RRP9: variants seen among roughly 807,000 people sequenced by gnomAD.
RRP9 encodes the protein ribosomal RNA processing 9, U3 small nucleolar RNA binding protein, also known as U3 small nucleolar RNA-interacting protein 2.
In RRP9, 35 loss-of-function variants were observed where a neutral mutation model predicts 65.5. The observed-to-expected ratio is 0.53, with a 90% CI of 0.41 to 0.71. The LOEUF (loss-of-function observed/expected upper bound fraction) is 0.71, where lower values mean the gene tolerates loss of function less well. Ranked by LOEUF, RRP9 falls within the 30% of genes least tolerant of loss-of-function variation. RRP9 has a pLI of 0.00. For synonymous variants in RRP9, 254 were observed against 245.0 expected, an observed-to-expected ratio of 1.04 and a Z score of -0.34; for missense variants, 533 against 633.6, an observed-to-expected ratio of 0.84 and a Z score of 1.70.
rs323900 is a variant in RRP9, at chr3:51,938,239, A to C, written c.171-35T>G. The stretch of plus-strand genomic sequence containing the variant: ...GGAAGGGGCTGGGTCTGAGGGGCTC[A>C]CCTTGTTCCTCTGACCGCTAGGATC... On this transcript the variant is annotated intron_variant, in intron 2 of 14. Transcript: ENST00000232888. The C allele has an allele frequency of 6.5e-3, 9,581 of 1,472,830 alleles. 507 individuals are homozygous for C. The African/African-American group carries it at 0.12, about 18-fold the overall frequency. 91.2% of individuals were successfully genotyped at this position (1,472,830 alleles called of 1,614,324 possible). A position where few individuals can be genotyped will look rare whatever the true frequency, so the allele number is the denominator to read the frequency against.
Position 51,937,886 on chromosome 3 carries a change from G to T in RRP9, c.281-150C>A. ...AGGGCAAGCTGGAGGGTTTCCTCCT[G>T]CCTTTACTTATCAGATCAGCCCCCT... On this transcript the variant is annotated intron_variant, in intron 3 of 14. Transcript: ENST00000232888. This position sits in a 1 kb window ranked among gnomAD's most constrained non-coding sequence, Gnocchi z 5.0. 1 of 1,070,756 alleles carries T rather than the reference G, an allele frequency of 9.3e-7. No homozygotes were observed. Among genetic ancestry groups the T allele is most frequent in the Non-Finnish European group, 1.4e-6 (1 of 739,756 alleles). 66.3% of individuals were successfully genotyped at this position (1,070,756 alleles called of 1,614,324 possible).
intron 6 of RRP9, 62 bp from the exon 7 acceptor site, chr3:51,936,617 C>T: frequency 1.3e-6 from 2 of 1,543,622 alleles, no homozygotes; most frequent in Non-Finnish European, 8.9e-7. Flanking sequence ...TGGCAACCCC[C>T]CTCAAGGGGC....
chr3:51,941,556 C>CG, intron 1 of RRP9, 65 bp from the exon 2 acceptor site: 2 of 1,447,130 alleles, frequency 1.4e-6, no homozygotes, highest in Non-Finnish European at 1.9e-6. Context: ...ACCAAGGGCC[C>CG]CCCCCCCTCG....
At position 51,935,698 on chromosome 3, in the gene RRP9, G is replaced by C; in HGVS notation, c.736-6C>G. On this transcript the variant is annotated splice_polypyrimidine_tract_variant and splice_region_variant and intron_variant, in intron 8 of 14. Coordinates refer to ENST00000232888, the MANE Select transcript of RRP9 (RefSeq NM_004704.5). ...CCTCTGCGGAATGCCAGACCCTAAG[G>C]GTGCATGGGGAGAGGGCAAAGGGGA... 1.2e-6 allele frequency: 2 copies of C among 1,612,092 alleles called. No individual in the cohort carries two copies. Among genetic ancestry groups the C allele is most frequent in the Non-Finnish European group, 1.7e-6 (2 of 1,178,192 alleles).
chr3:51,936,087 C>T (rs1699455696), intron 8 of RRP9, among the ~76,000 whole-genome samples, 170 bp downstream of exon 8: 1 of 152,174 alleles, frequency 6.6e-6, no homozygotes, highest in South Asian at 2.1e-4. Context: ...TCTCCCCCAG[C>T]TCCTCCCCAT....
Position 51,934,169 on chromosome 3 carries a change from CCA to C in RRP9, c.1260+301_1260+302del, listed in dbSNP as rs1699424286. On this transcript the variant is annotated intron_variant, in intron 13 of 14. Transcript: ENST00000232888. The surrounding 1 kb of genome is among the most constrained non-coding windows in gnomAD (Gnocchi z 4.1). ...GTCACCCTAGTGTGGACAGTGAGGTCCACACCCTCTAGCCTGGCACCCAATCT... is the reference window on the plus strand; with the variant it reads ...GTCACCCTAGTGTGGACAGTGAGGTCCACCCTCTAGCCTGGCACCCAATCT... Among the ~76,000 whole-genome samples the C allele has an allele frequency of 6.6e-6, 1 of 152,156 alleles. No homozygotes were observed. Among genetic ancestry groups the C allele is most frequent in the Admixed American group, 6.5e-5 (1 of 15,280 alleles).
chr3:51,936,838 T>C (rs948696116), intron 6 of RRP9, among the ~76,000 whole-genome samples: 1 of 152,138 alleles, frequency 6.6e-6, no homozygotes, highest in Non-Finnish European at 1.5e-5. Flanking sequence ...ACAGCGGGTG[T>C]AGAAGGAACC....
Position 51,935,490 on chromosome 3 carries a change from C to A in RRP9, c.837-14G>T. 6.2e-7 allele frequency: 1 copy of A among 1,614,092 alleles called. No individual in the cohort carries two copies. Among genetic ancestry groups the A allele is most frequent in the Non-Finnish European group, 8.5e-7 (1 of 1,180,030 alleles). On this transcript the variant is annotated splice_polypyrimidine_tract_variant and intron_variant, in intron 9 of 14. Coordinates refer to ENST00000232888, the MANE Select transcript of RRP9 (RefSeq NM_004704.5). The stretch of plus-strand genomic sequence containing the variant: ...TGGTGTCCGAAGCTAGAGGGCCGGG[C>A]AGAGCAGGATAGTGGGGATAGGGGT...
chr3:51,938,264 C>T (rs1405403670), intron 2 of RRP9, 60 bp from the exon 3 acceptor site: 5 of 1,338,172 alleles, frequency 3.7e-6, no homozygotes, highest in Admixed American at 4.7e-5. Flanking sequence ...CCGCTAGGAT[C>T]GTGCCTTCTG....
chr3:51,936,951 T>A (rs1433894366), intron 6 of RRP9, among the ~76,000 whole-genome samples: 1 of 152,210 alleles, frequency 6.6e-6, no homozygotes, highest in Non-Finnish European at 1.5e-5. Context: ...ACCTGCAGCA[T>A]TAATTCCCAT....
At chr3:51,941,750 T>C in intron 1 of RRP9, 31 bp downstream of exon 1, 3 of 1,527,138 alleles carry the variant, frequency 2.0e-6, no homozygotes, top group South Asian at 1.2e-5. Context: ...GTAGCAGGGC[T>C]GACCGCGGCC....
chr3:51,936,146 C>T, intron 8 of RRP9, 111 bp downstream of exon 8: 1 of 1,004,508 alleles, frequency 1.0e-6, no homozygotes, highest in Non-Finnish European at 1.6e-6. Flanking sequence ...TACCCACTCG[C>T]TACCCCAGGA....
Position 51,935,252 on chromosome 3 carries a change from T to A in RRP9, c.979A>T (p.Ile327Phe). The A allele has an allele frequency of 6.2e-7, 1 of 1,614,182 alleles. No homozygotes were observed. ...TCATTGATTAGGTGGATGCAGTCGATGGAGCCCCTGGAGAAAGGGGCTGTG... is the reference window on the plus strand; with the variant it reads ...TCATTGATTAGGTGGATGCAGTCGAAGGAGCCCCTGGAGAAAGGGGCTGTG... Reference protein sequence around the residue: ...QLVFYGHQGSIDCIHLINEEH... With the variant: ...QLVFYGHQGSFDCIHLINEEH... The change falls in exon 11 of 15, where the codon ATC becomes TTC. Residue 327 changes from isoleucine to phenylalanine, a missense_variant. Physicochemically the swap from Ile to Phe is conservative, Grantham distance 21. Transcript: ENST00000232888.
intron 13 of RRP9, 72 bp from the exon 14 acceptor site, chr3:51,933,853 G>A (rs887141075): frequency 1.7e-5 from 24 of 1,447,022 alleles, no homozygotes; most frequent in Non-Finnish European, 2.3e-5. Flanking sequence ...TCACAGTCAA[G>A]GGCTGGGCCT....
chr3:51,936,153 A>G (rs1699456465), intron 8 of RRP9, 104 bp downstream of exon 8: 1 of 1,072,308 alleles, frequency 9.3e-7, no homozygotes, highest in South Asian at 1.3e-5. Flanking sequence ...TCGCTACCCC[A>G]GGATGCAGGT....
chr3:51,941,872 C>T lies in RRP9; in HGVS notation c.-5G>A, dbSNP rs781648041. 1 of 1,577,368 alleles carries T rather than the reference C, an allele frequency of 6.3e-7. No homozygotes were observed. Among genetic ancestry groups the T allele is most frequent in the East Asian group, 2.3e-5 (1 of 43,310 alleles). ...AGCAGCCGCTGTTGCCGACATGCTG[C>T]CCACCAGGCGTGTAGCAGCGGCCGC... On this transcript the variant is annotated 5_prime_UTR_variant, in exon 1 of 15. Coordinates refer to ENST00000232888, the MANE Select transcript of RRP9 (RefSeq NM_004704.5).
At chr3:51,940,131 C>T (rs145520542) in intron 2 of RRP9, among the ~76,000 whole-genome samples, 48 of 152,198 alleles carry the variant, frequency 3.2e-4, no homozygotes, top group African/African-American at 1.1e-3. Context: ...TGGTGCAGGC[C>T]TATAATCCCA....
Position 51,941,882 on chromosome 3 carries a change from G to T in RRP9, c.-15C>A. 6 of 1,565,230 alleles carry T rather than the reference G, an allele frequency of 3.8e-6. No homozygotes were observed. The highest frequency in any genetic ancestry group is 5.2e-6 in the Non-Finnish European group (6 of 1,162,436). On this transcript the variant is annotated 5_prime_UTR_variant, in exon 1 of 15. Transcript: ENST00000232888. ...GTTGCCGACATGCTGCCCACCAGGC[G>T]TGTAGCAGCGGCCGCAGAACTCACG...
Position 51,934,541 on chromosome 3 carries a change from G to A in RRP9, c.1191C>T (p.Ser397=), listed in dbSNP as rs774598939. Residue 397 remains serine, a synonymous_variant, in exon 13 of 15, where the codon AGC becomes AGT. Coordinates refer to ENST00000232888, the MANE Select transcript of RRP9 (RefSeq NM_004704.5). The surrounding 1 kb of genome is among the most constrained non-coding windows in gnomAD (Gnocchi z 4.1). Reference sequence around the variant, plus strand: ...CACACTGCCAAAGCCGCACACAGGAGCTGTGGGAGCCTGGGGAGACTGGAA... The same window carrying A: ...CACACTGCCAAAGCCGCACACAGGAACTGTGGGAGCCTGGGGAGACTGGAA... ...NTDLVATGSH[S]SCVRLWQCGE... is the part of the protein sequence containing the mutation. 5.6e-6 allele frequency: 9 copies of A among 1,614,074 alleles called. No individual in the cohort carries two copies. In the Admixed American group the frequency reaches 1.2e-4, roughly 21 times the overall value.
Sources: gnomAD v4.1 joint callset for allele counts (sites outside exome capture counted in the v4.1 genomes callset) on GRCh38, gnomAD v4.1.1 for gene constraint, Gnocchi (gnomAD v3.1) non-coding constraint, MANE v1.5 for transcripts, NCBI Gene and HGNC (gene_info 2026-07-23, HGNC 2026-07-21) for gene names.